The following WDR19 variants were observed in gnomAD, a reference collection of about 807,000 sequenced individuals.
WDR19 encodes WD repeat domain 19.
A neutral mutation model predicts 180.0 loss-of-function variants in WDR19; 121 were observed. The observed-to-expected ratio is 0.67, with a 90% CI of 0.58 to 0.78. The LOEUF is 0.78. Among genes scored for constraint, WDR19 ranks in the 30% least tolerant of loss-of-function variants. WDR19 has a pLI of 0.00. For synonymous variants in WDR19, 497 were observed against 540.7 expected (o/e 0.92, Z 1.12); for missense variants, 1,450 against 1,640.7 (o/e 0.88, Z 2.01).
At position 39,253,899 on chromosome 4, in the gene WDR19, G is replaced by C; in HGVS notation, c.2877-7G>C. ...AGAGTCTAGCTAATTAAAGTACTTTGCTTTAGGTTTTTTCTACAGCTTGGT... is the reference window on the plus strand; with the variant it reads ...AGAGTCTAGCTAATTAAAGTACTTTCCTTTAGGTTTTTTCTACAGCTTGGT... On this transcript the variant is annotated splice_polypyrimidine_tract_variant and splice_region_variant and intron_variant, in intron 25 of 36. Transcript: ENST00000399820. 6.3e-7 allele frequency: 1 copy of C among 1,592,422 alleles called. No individual in the cohort carries two copies. Among genetic ancestry groups the C allele is most frequent in the Non-Finnish European group, 8.6e-7 (1 of 1,169,092 alleles).
At chr4:39,272,365 C>G (rs952710420) in intron 31 of WDR19, among the ~76,000 whole-genome samples, 1 of 152,228 alleles carries the variant, frequency 6.6e-6, no homozygotes, top group Non-Finnish European at 1.5e-5. Context: ...TCCACACTCT[C>G]ACCAAGTATC....
chr4:39,244,179 A>G (rs779353009), intron 21 of WDR19, 69 bp from the exon 22 acceptor site: 7 of 1,498,010 alleles, frequency 4.7e-6, no homozygotes, highest in South Asian at 1.4e-5. Flanking sequence ...AGTTAAATTC[A>G]TTGTTCTGTC....
At chr4:39,189,585 A>G (rs1048352855) in intron 3 of WDR19, 71 bp from the exon 4 acceptor site, 46 of 1,347,544 alleles carry the variant, frequency 3.4e-5, no homozygotes, top group Admixed American at 9.1e-5. Context: ...ATCTTGTTAT[A>G]GACAAAAATC....
chr4:39,216,057 A>C, intron 11 of WDR19, 39 bp from the exon 12 acceptor site: 1 of 1,536,222 alleles, frequency 6.5e-7, no homozygotes. Context: ...TAATAAAATA[A>C]GTTTAGCCGT....
At chr4:39,191,513 A>G (rs573592095) in intron 4 of WDR19, among the ~76,000 whole-genome samples, 23 of 152,342 alleles carry the variant, frequency 1.5e-4, no homozygotes, top group Non-Finnish European at 3.2e-4. Flanking sequence ...TATTAATTCA[A>G]TGAGCTGAAT....
intron 30 of WDR19, 149 bp from the exon 31 acceptor site, chr4:39,269,827 T>C: frequency 9.5e-7 from 1 of 1,053,868 alleles, no homozygotes; most frequent in Non-Finnish European, 1.4e-6. Context: ...GACAGATAAA[T>C]AGGAAATCTG....
At position 39,186,527 on chromosome 4, in the gene WDR19, G is replaced by A; in HGVS notation, c.99-12G>A. 1.9e-6 allele frequency: 2 copies of A among 1,026,314 alleles called. No individual in the cohort carries two copies. Among genetic ancestry groups the A allele is most frequent in the Non-Finnish European group, 1.4e-6 (1 of 711,238 alleles). 63.6% of individuals were successfully genotyped at this position (1,026,314 alleles called of 1,614,324 possible). A position where few individuals can be genotyped will look rare whatever the true frequency, so the allele number is the denominator to read the frequency against. On this transcript the variant is annotated splice_polypyrimidine_tract_variant and intron_variant, in intron 2 of 36. Coordinates refer to ENST00000399820, the MANE Select transcript of WDR19 (RefSeq NM_025132.4). ...AAAGTAAATCATATCTTTATGTTCT[G>A]ATTGCTTTCAGAGCTGATTATATTG...
intron 9 of WDR19, 30 bp from the exon 10 acceptor site, chr4:39,214,571 A>T (rs766420040): frequency 7.6e-7 from 1 of 1,317,158 alleles, no homozygotes; most frequent in Non-Finnish European, 1.1e-6. Flanking sequence ...GATCATATAT[A>T]TTTTTTAATA....
chr4:39,214,040 G>A (rs1383099640), intron 9 of WDR19, among the ~76,000 whole-genome samples: 2 of 152,128 alleles, frequency 1.3e-5, no homozygotes, highest in African/African-American at 4.8e-5. Context: ...TCCCAACATT[G>A]TACTACACAA....
At chr4:39,241,612 C>T (rs1482629776) in intron 21 of WDR19, among the ~76,000 whole-genome samples, 1 of 151,452 alleles carries the variant, frequency 6.6e-6, no homozygotes, top group East Asian at 1.9e-4. Flanking sequence ...GTCTGGCCAA[C>T]ATGGTTAAAC....
At chr4:39,257,027 A>G (rs1560545165) in intron 27 of WDR19, among the ~76,000 whole-genome samples, 1 of 152,228 alleles carries the variant, frequency 6.6e-6, no homozygotes, top group Non-Finnish European at 1.5e-5. Context: ...TTAGACAATT[A>G]TAACTTAAAA....
intron 20 of WDR19, among the ~76,000 whole-genome samples, chr4:39,239,038 G>A (rs10033311): frequency 0.072 from 10,976 of 152,046 alleles, 1,291 homozygotes; most frequent in African/African-American, 0.25. Flanking sequence ...GTACAGTGGC[G>A]CAATTTCAGC....
rs1335665760 is a variant in WDR19 at position 39,224,980 on chromosome 4, G to A, written c.1576G>A (p.Gly526Arg). 6.3e-7 allele frequency: 1 copy of A among 1,576,432 alleles called. No individual in the cohort carries two copies. Among genetic ancestry groups the A allele is most frequent in the Non-Finnish European group, 8.6e-7 (1 of 1,160,412 alleles). ...GAAAAAGATTTTTCCCGACCCAAAT[G>A]GGACCAGATTAGTTTTCATTGATGA... ...SVKKIFPDPN[G>R]TRLVFIDEKS... Residue 526 changes from glycine to arginine, a missense_variant, in exon 15 of 37, where the codon GGG (glycine) becomes AGG (arginine). Gly to Arg is a moderately radical substitution (Grantham distance 125, BLOSUM62 -2). Coordinates refer to ENST00000399820, the MANE Select transcript of WDR19 (RefSeq NM_025132.4).
intron 20 of WDR19, among the ~76,000 whole-genome samples, chr4:39,238,971 A>ATAT (rs759016341): frequency 3.1e-4 from 47 of 151,738 alleles, no homozygotes; most frequent in South Asian, 1.9e-3. Flanking sequence ...TGGGAAGAGA[A>ATAT]TATTATTATT....
In WDR19 at chr4:39,277,133, G is replaced by A. The variant is rs1052778147; in HGVS notation, c.3830G>A (p.Cys1277Tyr). Residue 1277 changes from cysteine to tyrosine, a missense_variant, in exon 34 of 37, where the codon TGC (cysteine) becomes TAC (tyrosine). Cys to Tyr is a radical substitution (Grantham distance 194). Transcript: ENST00000399820. ...GGATGTAAAAACAGTATCCCATATT[G>A]CATTGCAACAGTGAGTTCCTTTATA... The part of the protein sequence containing the change: ...CPGCKNSIPY[C>Y]IATGRHMLKD... The A allele has an allele frequency of 6.2e-7, 1 of 1,607,956 alleles. No individual in the cohort carries two copies. Among genetic ancestry groups the A allele is most frequent in the African/African-American group, 1.3e-5 (1 of 74,716 alleles).
intron 36 of WDR19, among the ~76,000 whole-genome samples, chr4:39,280,174 T>C (rs1268793142): frequency 7.1e-6 from 1 of 141,612 alleles, no homozygotes; most frequent in Non-Finnish European, 1.5e-5. Context: ...ATTGCGCAGA[T>C]TGGTCTCGAA....
intron 36 of WDR19, among the ~76,000 whole-genome samples, chr4:39,279,586 T>TG (rs1228922895): frequency 2.0e-5 from 3 of 152,124 alleles, no homozygotes; most frequent in African/African-American, 7.2e-5. Context: ...TGCCCTTCCC[T>TG]GGCCACTCCA....
chr4:39,277,120 A>T lies in WDR19; in HGVS notation c.3817A>T (p.Ser1273Cys). Residue 1273 changes from serine (S) to cysteine (C), a missense_variant, in exon 34 of 37, where the codon AGT becomes TGT. Transcript: ENST00000399820. ...ACTCCTCTGTCCTGGATGTAAAAAC[A>T]GTATCCCATATTGCATTGCAACAGT... ...CELLCPGCKNSIPYCIATGRH... is the reference protein window; with the variant it reads ...CELLCPGCKNCIPYCIATGRH... 6.2e-7 allele frequency: 1 copy of T among 1,612,868 alleles called. No homozygotes were observed. Among genetic ancestry groups the T allele is most frequent in the South Asian group, 1.1e-5 (1 of 90,704 alleles).
chr4:39,219,317 T>C (rs938720320), intron 14 of WDR19, among the ~76,000 whole-genome samples: 4 of 152,204 alleles, frequency 2.6e-5, no homozygotes, highest in African/African-American at 9.6e-5. Context: ...TCTGACATTA[T>C]GACATCCATG....
Sources: gnomAD v4.1 joint callset for allele counts (sites outside exome capture counted in the v4.1 genomes callset) on GRCh38, gnomAD v4.1.1 for gene constraint, MANE v1.5 for transcripts, NCBI Gene and HGNC (gene_info 2026-07-23, HGNC 2026-07-21) for gene names.